The following NKAPL variants were observed in gnomAD, a reference collection of about 807,000 sequenced individuals.
The protein encoded by NKAPL is NFKB activating protein like, also known as NKAP-like protein.
Under a neutral mutation model 14.7 loss-of-function variants are expected in NKAPL, and 7 were observed. The ratio of observed to expected loss-of-function variants is 0.48; its 90% CI spans 0.27 to 0.89. NKAPL has a LOEUF of 0.89. NKAPL is among the 40% of genes least tolerant of loss of function. NKAPL has a pLI of 0.12. For missense variants in NKAPL, 466 were observed against 494.1 expected (o/e 0.94, Z 0.54); for synonymous variants, 192 against 179.9 (o/e 1.07, Z -0.54).
chr6:28,260,151 G>C lies in NKAPL; in HGVS notation c.780G>C (p.Leu260Phe), dbSNP rs776303341. Reference sequence around the variant, plus strand: ...GCTGTAAAGACTCAGAAGAGGACTTGTCAGAAGCTACCTGGATGGAGCAGC... The same window carrying C: ...GCTGTAAAGACTCAGAAGAGGACTTCTCAGAAGCTACCTGGATGGAGCAGC... ...DSSCKDSEED[L>F]SEATWMEQPN... Residue 260 changes from leucine (L) to phenylalanine (F), a missense_variant, in exon 1 of 1, where the codon TTG (leucine) becomes TTC (phenylalanine). Transcript: ENST00000343684. 1.2e-6 allele frequency: 2 copies of C among 1,613,308 alleles called. No individual in the cohort carries two copies. The highest frequency in any genetic ancestry group is 3.3e-5 in the Admixed American group (2 of 59,870).
Position 28,260,190 on chromosome 6 carries a change from T to C in NKAPL, c.819T>C (p.Asp273=), listed in dbSNP as rs1761313738. 1.2e-6 allele frequency: 2 copies of C among 1,614,156 alleles called. No individual in the cohort carries two copies. The highest frequency in any genetic ancestry group is 1.7e-6 in the Non-Finnish European group (2 of 1,180,016). ...ATWMEQPNVA[D]TMDLIGPEAP... The stretch of plus-strand genomic sequence containing the variant: ...GGATGGAGCAGCCAAATGTGGCAGA[T>C]ACTATGGATTTAATAGGGCCAGAAG... The change falls in exon 1 of 1, where the codon GAT becomes GAC. Residue 273 remains aspartate, a synonymous_variant. Transcript: ENST00000343684.
Position 28,260,247 on chromosome 6 carries a change from A to T in NKAPL, c.876A>T (p.Lys292Asn), listed in dbSNP as rs1761316241. Residue 292 changes from lysine (K) to asparagine (N), a missense_variant, in exon 1 of 1, where the codon AAA (lysine) becomes AAT (asparagine). Physicochemically the swap from Lys to Asn is moderately conservative, Grantham distance 94. Transcript: ENST00000343684. Reference sequence around the variant, plus strand: ...TAATACATACCTCTCAAGATGAAAAACCTTTGAAGTATGGCCATGCTTTGC... The same window carrying T: ...TAATACATACCTCTCAAGATGAAAATCCTTTGAAGTATGGCCATGCTTTGC... ...APIIHTSQDE[K>N]PLKYGHALLP... is the part of the protein sequence containing the mutation. 1 of 1,613,894 alleles carries T rather than the reference A, an allele frequency of 6.2e-7. No homozygotes were observed. Among genetic ancestry groups the T allele is most frequent in the Non-Finnish European group, 8.5e-7 (1 of 1,179,996 alleles).
rs1382246646 is a variant in NKAPL at position 28,259,521 on chromosome 6, C to A, written c.150C>A (p.Gly50=). 6.2e-7 allele frequency: 1 copy of A among 1,614,230 alleles called. No individual in the cohort carries two copies. The highest frequency in any genetic ancestry group is 2.2e-5 in the East Asian group (1 of 44,892). Residue 50 remains glycine (G), a synonymous_variant, in exon 1 of 1, where the codon GGC becomes GGA. Transcript: ENST00000343684. ...GCTCTCACTCCCGCGGCCGTGAGGG[C>A]CTCAGGCCTCCTTGGAGTGAGTTGG... ...CSRSHSRGRE[G]LRPPWSELDV... is the part of the protein sequence containing the mutation.
At position 28,260,160 on chromosome 6, in the gene NKAPL, T is replaced by C; in HGVS notation, c.789T>C (p.Ala263=). The part of the protein sequence containing the change: ...CKDSEEDLSE[A]TWMEQPNVAD... ...ACTCAGAAGAGGACTTGTCAGAAGCTACCTGGATGGAGCAGCCAAATGTGG... is the reference window on the plus strand; with the variant it reads ...ACTCAGAAGAGGACTTGTCAGAAGCCACCTGGATGGAGCAGCCAAATGTGG... Residue 263 remains alanine, a synonymous_variant, in exon 1 of 1, where the codon GCT becomes GCC. Transcript: ENST00000343684. 1 of 1,613,880 alleles carries C rather than the reference T, an allele frequency of 6.2e-7. No homozygotes were observed. The highest frequency in any genetic ancestry group is 2.2e-5 in the East Asian group (1 of 44,886).
In NKAPL at chr6:28,259,500, T is replaced by C. The variant is rs765221993; in HGVS notation, c.129T>C (p.Ser43=). 3 of 1,614,190 alleles carry C rather than the reference T, an allele frequency of 1.9e-6. No individual in the cohort carries two copies. In the East Asian group the frequency reaches 6.7e-5, roughly 36 times the overall value. The change falls in exon 1 of 1, where the codon TCT becomes TCC. Residue 43 remains serine, a synonymous_variant. Coordinates refer to ENST00000343684, the MANE Select transcript of NKAPL (RefSeq NM_001007531.3). Reference sequence around the variant, plus strand: ...CCTCTTGGGATGGCTGTTCCCGCTCTCACTCCCGCGGCCGTGAGGGCCTCA... The same window carrying C: ...CCTCTTGGGATGGCTGTTCCCGCTCCCACTCCCGCGGCCGTGAGGGCCTCA... ...RCSSWDGCSR[S]HSRGREGLRP... is the part of the protein sequence containing the mutation.
Position 28,259,500 on chromosome 6 carries a change from T to G in NKAPL, c.129T>G (p.Ser43=). The G allele has an allele frequency of 6.2e-7, 1 of 1,614,190 alleles. No individual in the cohort carries two copies. The highest frequency in any genetic ancestry group is 1.3e-5 in the African/African-American group (1 of 75,078). The change falls in exon 1 of 1, where the codon TCT becomes TCG. Residue 43 remains serine (S), a synonymous_variant. Coordinates refer to ENST00000343684, the MANE Select transcript of NKAPL (RefSeq NM_001007531.3). The part of the protein sequence containing the change: ...RCSSWDGCSR[S]HSRGREGLRP... ...CCTCTTGGGATGGCTGTTCCCGCTCTCACTCCCGCGGCCGTGAGGGCCTCA... is the reference window on the plus strand; with the variant it reads ...CCTCTTGGGATGGCTGTTCCCGCTCGCACTCCCGCGGCCGTGAGGGCCTCA...
chr6:28,259,348 C>T lies in NKAPL; in HGVS notation c.-24C>T, dbSNP rs753849685. On this transcript the variant is annotated 5_prime_UTR_variant, in exon 1 of 1. Coordinates refer to ENST00000343684, the MANE Select transcript of NKAPL (RefSeq NM_001007531.3). Reference sequence around the variant, plus strand: ...CAGCCAGCCTCTGGGTCTGTAGCAACCGCCCAGCGTTGAGGCGCGGCTCAT... The same window carrying T: ...CAGCCAGCCTCTGGGTCTGTAGCAATCGCCCAGCGTTGAGGCGCGGCTCAT... The T allele has an allele frequency of 2.6e-6, 4 of 1,529,244 alleles. No homozygotes were observed. Among genetic ancestry groups the T allele is most frequent in the Non-Finnish European group, 3.5e-6 (4 of 1,134,968 alleles). The allele number at this position is 1,529,244 out of a possible 1,614,324, so 94.7% of individuals were successfully genotyped here. A position where few individuals can be genotyped will look rare whatever the true frequency, so the allele number is the denominator to read the frequency against.
chr6:28,259,375 C>T lies in NKAPL; in HGVS notation c.4C>T (p.Pro2Ser), dbSNP rs1370664350. 44 of 1,570,252 alleles carry T rather than the reference C, an allele frequency of 2.8e-5. No homozygotes were observed. The highest frequency in any genetic ancestry group is 3.7e-5 in the Non-Finnish European group (43 of 1,153,136). M[P>S]PVSRSSYSED... ...GCCCAGCGTTGAGGCGCGGCTCATG[C>T]CCCCAGTATCCCGGTCCAGCTATTC... Residue 2 changes from proline (P) to serine (S), a missense_variant, in exon 1 of 1, where the codon CCC becomes TCC. Coordinates refer to ENST00000343684, the MANE Select transcript of NKAPL (RefSeq NM_001007531.3).
rs1761288920 is a variant in NKAPL at position 28,259,507 on chromosome 6, C to T, written c.136C>T (p.Arg46Cys). 1 of 1,614,232 alleles carries T rather than the reference C, an allele frequency of 6.2e-7. No homozygotes were observed. Among genetic ancestry groups the T allele is most frequent in the Non-Finnish European group, 8.5e-7 (1 of 1,180,044 alleles). ...SWDGCSRSHS[R>C]GREGLRPPWS... ...GGATGGCTGTTCCCGCTCTCACTCC[C>T]GCGGCCGTGAGGGCCTCAGGCCTCC... The change falls in exon 1 of 1, where the codon CGC (arginine) becomes TGC (cysteine). Residue 46 changes from arginine to cysteine, a missense_variant. Coordinates refer to ENST00000343684, the MANE Select transcript of NKAPL (RefSeq NM_001007531.3).
At position 28,260,725 on chromosome 6, in the gene NKAPL, A is replaced by G; in HGVS notation, c.*145A>G. 1.1e-6 allele frequency: 1 copy of G among 940,354 alleles called. No individual in the cohort carries two copies. The allele number at this position is 940,354 out of a possible 1,614,324, so 58.3% of individuals were successfully genotyped here. ...TCTTTTGAGATATCTTTAGCAGCTT[A>G]TTTTTTGTTATTTTAACTTTAAAAA... On this transcript the variant is annotated 3_prime_UTR_variant, in exon 1 of 1. Coordinates refer to ENST00000343684, the MANE Select transcript of NKAPL (RefSeq NM_001007531.3).
In NKAPL at chr6:28,259,443, G is replaced by C. The variant is rs779810561; in HGVS notation, c.72G>C (p.Ser24=). 1.9e-6 allele frequency: 3 copies of C among 1,612,686 alleles called. No individual in the cohort carries two copies. The highest frequency in any genetic ancestry group is 3.3e-5 in the Admixed American group (2 of 60,010). The change falls in exon 1 of 1, where the codon TCG becomes TCC. Residue 24 remains serine (S), a synonymous_variant. Transcript: ENST00000343684. ...CTCGGAGAAGGCGACGCAGCTCCTC[G>C]GGGAGCCCACCATCCCCGCAGAGCA... is the stretch of plus-strand genomic sequence containing the variant. ...VGSRRRRRSS[S]GSPPSPQSRC... is the part of the protein sequence containing the mutation.
chr6:28,259,982 G>A lies in NKAPL; in HGVS notation c.611G>A (p.Ser204Asn), dbSNP rs774157428. The A allele has an allele frequency of 3.7e-6, 6 of 1,607,738 alleles. No homozygotes were observed. Among genetic ancestry groups the A allele is most frequent in the Admixed American group, 1.7e-5 (1 of 58,586 alleles). Residue 204 changes from serine (S) to asparagine (N), a missense_variant, in exon 1 of 1, where the codon AGT becomes AAT. Physicochemically the swap from Ser to Asn is conservative, Grantham distance 46. Coordinates refer to ENST00000343684, the MANE Select transcript of NKAPL (RefSeq NM_001007531.3). The part of the protein sequence containing the change: ...SKRKHRKYSD[S>N]DSNSESDTNS... The stretch of plus-strand genomic sequence containing the variant: ...AGAAAGCATAGGAAATATTCTGATA[G>A]TGACAGTAACTCAGAGTCTGACACA...
At position 28,259,963 on chromosome 6, in the gene NKAPL, CAT is replaced by C; in HGVS notation, c.594_595del (p.His198GlnfsTer5). 1 of 1,608,860 alleles carries C rather than the reference CAT, an allele frequency of 6.2e-7. No individual in the cohort carries two copies. ...KRKNKSSKRKHRKYSDSDSNS... is the reference protein window; with the variant it reads ...KRKNKSSKRKXRKYSDSDSNS... ...AAAGAATAAGTCGTCTAAAAGAAAG[CAT>C]AGGAAATATTCTGATAGTGACAGTA... On this transcript the variant is annotated frameshift_variant, in exon 1 of 1. Coordinates refer to ENST00000343684, the MANE Select transcript of NKAPL (RefSeq NM_001007531.3). LOFTEE classifies it low-confidence loss of function (END_TRUNC).
rs753417641 is a variant in NKAPL, at chr6:28,259,538, G to C, written c.167G>C (p.Ser56Thr). ...CGTGAGGGCCTCAGGCCTCCTTGGA[G>C]TGAGTTGGACGTGGGCGCTCTTTAC... ...RGREGLRPPWSELDVGALYPF... is the reference protein window; with the variant it reads ...RGREGLRPPWTELDVGALYPF... The change falls in exon 1 of 1, where the codon AGT becomes ACT. Residue 56 changes from serine (S) to threonine (T), a missense_variant. Ser to Thr is a moderately conservative substitution (Grantham distance 58). Transcript: ENST00000343684. The C allele has an allele frequency of 6.2e-7, 1 of 1,614,230 alleles. No individual in the cohort carries two copies. The highest frequency in any genetic ancestry group is 1.1e-5 in the South Asian group (1 of 91,090).
Position 28,260,032 on chromosome 6 carries a change from AAG to A in NKAPL, c.666_667del (p.Arg222SerfsTer2), listed in dbSNP as rs1222561417. On this transcript the variant is annotated frameshift_variant, in exon 1 of 1. Coordinates refer to ENST00000343684, the MANE Select transcript of NKAPL (RefSeq NM_001007531.3). LOFTEE classifies it low-confidence loss of function (END_TRUNC). ...AAATTCTGACTCTGATGATGATAAA[AAG>A]AGAGTTAAAGCCAAGAAGAAAAAGA... ...DTNSDSDDDK[K>X]RVKAKKKKKK... 16 of 1,592,622 alleles carry A rather than the reference AAG, an allele frequency of 1.0e-5. No homozygotes were observed. The highest frequency in any genetic ancestry group is 8.9e-5 in the East Asian group (4 of 44,830).
At position 28,259,866 on chromosome 6, in the gene NKAPL, C is replaced by T. The variant is rs762728075; in HGVS notation, c.495C>T (p.Ser165=). 2 of 1,614,110 alleles carry T rather than the reference C, an allele frequency of 1.2e-6. No homozygotes were observed. The highest frequency in any genetic ancestry group is 1.7e-6 in the Non-Finnish European group (2 of 1,180,030). ...AAGAAGAGGTAACGCATCAGAAAAG[C>T]AGCAGTTCAGATTCCAACTCGGAAG... ...EDEEEVTHQK[S]SSSDSNSEEH... Residue 165 remains serine, a synonymous_variant, in exon 1 of 1, where the codon AGC becomes AGT. Coordinates refer to ENST00000343684, the MANE Select transcript of NKAPL (RefSeq NM_001007531.3).
In NKAPL at chr6:28,260,172, G is replaced by A. The variant is rs1448168540; in HGVS notation, c.801G>A (p.Glu267=). ...ACTTGTCAGAAGCTACCTGGATGGAGCAGCCAAATGTGGCAGATACTATGG... is the reference window on the plus strand; with the variant it reads ...ACTTGTCAGAAGCTACCTGGATGGAACAGCCAAATGTGGCAGATACTATGG... The part of the protein sequence containing the change: ...EEDLSEATWM[E]QPNVADTMDL... The change falls in exon 1 of 1, where the codon GAG becomes GAA. Residue 267 remains glutamate, a synonymous_variant. Coordinates refer to ENST00000343684, the MANE Select transcript of NKAPL (RefSeq NM_001007531.3). 4 of 1,614,010 alleles carry A rather than the reference G, an allele frequency of 2.5e-6. No homozygotes were observed. In the South Asian group the frequency reaches 4.4e-5, roughly 18 times the overall value.
At position 28,259,993 on chromosome 6, in the gene NKAPL, T is replaced by G; in HGVS notation, c.622T>G (p.Ser208Ala). The G allele has an allele frequency of 6.2e-7, 1 of 1,605,092 alleles. No homozygotes were observed. The highest frequency in any genetic ancestry group is 8.5e-7 in the Non-Finnish European group (1 of 1,177,928). The stretch of plus-strand genomic sequence containing the variant: ...GAAATATTCTGATAGTGACAGTAAC[T>G]CAGAGTCTGACACAAATTCTGACTC... ...HRKYSDSDSN[S>A]ESDTNSDSDD... Residue 208 changes from serine (S) to alanine (A), a missense_variant, in exon 1 of 1, where the codon TCA (serine) becomes GCA (alanine). By Grantham distance (99) the Ser-to-Ala change is moderately conservative. Coordinates refer to ENST00000343684, the MANE Select transcript of NKAPL (RefSeq NM_001007531.3).
rs1187013999 is a variant in NKAPL, at chr6:28,260,690, G to A, written c.*110G>A. 1.5e-6 allele frequency: 2 copies of A among 1,356,206 alleles called. No homozygotes were observed. The highest frequency in any genetic ancestry group is 1.5e-5 in the African/African-American group (1 of 67,830). The allele number at this position is 1,356,206 out of a possible 1,614,324, so 84.0% of individuals were successfully genotyped here. ...ACTTACCATATTAGTAAGTCCCTCA[G>A]GAAAAAGCTTCTTTTGAGATATCTT... On this transcript the variant is annotated 3_prime_UTR_variant, in exon 1 of 1. Coordinates refer to ENST00000343684, the MANE Select transcript of NKAPL (RefSeq NM_001007531.3).
Sources: allele counts gnomAD v4.1 joint callset, GRCh38; gene constraint gnomAD v4.1.1; transcripts MANE v1.5; gene names NCBI Gene and HGNC (gene_info 2026-07-23, HGNC 2026-07-21).